Variants in ATXN1 observed in about 807,000 individuals in gnomAD.
ATXN1 encodes the protein ataxin 1.
In ATXN1, 8 loss-of-function variants were observed where a neutral mutation model predicts 56.4. The ratio of observed to expected loss-of-function variants is 0.14; its 90% CI spans 0.08 to 0.26. The LOEUF (loss-of-function observed/expected upper bound fraction) is 0.26, where lower values mean the gene tolerates loss of function less well. Ranked by LOEUF, ATXN1 falls within the 10% of genes least tolerant of loss-of-function variation. ATXN1 has a pLI of 1.00. For missense variants in ATXN1, 987 were observed against 1,106.5 expected (o/e 0.89, Z 1.53); for synonymous variants, 514 against 494.6 (o/e 1.04, Z -0.52).
chr6:16,597,405 G>C (rs572712366), intron 3 of ATXN1, among the ~76,000 whole-genome samples: 1 of 151,800 alleles, frequency 6.6e-6, no homozygotes, highest in African/African-American at 2.4e-5. Flanking sequence ...ACATGGTTGA[G>C]AATACTGCTG....
In ATXN1 at chr6:16,760,476, G is replaced by A. The variant is rs1322142088; in HGVS notation, c.-730+822C>T. ...GCACCAACAGGGCGGCGGTGGCGGC[G>A]GCGGCCAGGGCCGTCACCGCCACTC... On this transcript the variant is annotated intron_variant, in intron 1 of 7. Transcript: ENST00000436367. The surrounding 1 kb of genome is among the most constrained non-coding windows in gnomAD (Gnocchi z 5.3). 6.6e-6 allele frequency among the ~76,000 whole-genome samples: 1 copy of A among 150,552 alleles called. No homozygotes were observed. Among genetic ancestry groups the A allele is most frequent in the African/African-American group, 2.4e-5 (1 of 41,138 alleles).
intron 6 of ATXN1, among the ~76,000 whole-genome samples, chr6:16,345,184 G>A (rs1409917001): frequency 2.0e-5 from 3 of 152,034 alleles, no homozygotes; most frequent in Non-Finnish European, 4.4e-5. Flanking sequence ...ATAATGTTGT[G>A]GTATCTGCAA....
intron 5 of ATXN1, among the ~76,000 whole-genome samples, chr6:16,513,525 C>T (rs1167764019): frequency 1.3e-5 from 2 of 152,140 alleles, no homozygotes; most frequent in South Asian, 2.1e-4. Flanking sequence ...GCACCTCCCC[C>T]GGAAAAGATA....
At chr6:16,365,379 T>C (rs1761896913) in intron 6 of ATXN1, among the ~76,000 whole-genome samples, 1 of 152,180 alleles carries the variant, frequency 6.6e-6, no homozygotes, top group Non-Finnish European at 1.5e-5. Context: ...GGTTTCACCA[T>C]GTTGGCCAGG....
intron 4 of ATXN1, among the ~76,000 whole-genome samples, chr6:16,551,379 G>T (rs1761917479): frequency 6.6e-6 from 1 of 151,866 alleles, no homozygotes; most frequent in South Asian, 2.1e-4. Flanking sequence ...ATTCATGAAA[G>T]AAAGATTCCA....
intron 4 of ATXN1, among the ~76,000 whole-genome samples, chr6:16,584,730 A>G (rs1376510802): frequency 6.6e-6 from 1 of 151,926 alleles, no homozygotes; most frequent in African/African-American, 2.4e-5. Flanking sequence ...TCAGCATTGG[A>G]AAACTGTATT....
At chr6:16,558,617 C>T (rs550706472) in intron 4 of ATXN1, among the ~76,000 whole-genome samples, 39 of 152,250 alleles carry the variant, frequency 2.6e-4, no homozygotes, top group African/African-American at 9.1e-4. Context: ...GTGATGCTCT[C>T]GCCTTGGCCT....
At chr6:16,588,848 C>T (rs1377089405) in intron 3 of ATXN1, among the ~76,000 whole-genome samples, 2 of 152,172 alleles carry the variant, frequency 1.3e-5, no homozygotes, top group Non-Finnish European at 2.9e-5. Context: ...CTTAATCATA[C>T]TGATTTAATT....
intron 5 of ATXN1, among the ~76,000 whole-genome samples, chr6:16,519,149 T>C (rs979733139): frequency 4.6e-4 from 70 of 152,248 alleles, no homozygotes; most frequent in African/African-American, 1.6e-3. Context: ...TTAGAGAAAT[T>C]TTTTTAAGAG....
At chr6:16,532,464 T>G (rs1226268379) in intron 4 of ATXN1, among the ~76,000 whole-genome samples, 3 of 152,158 alleles carry the variant, frequency 2.0e-5, no homozygotes, top group Non-Finnish European at 2.9e-5. Context: ...AAATGCTAAA[T>G]AGCCTCTTGA....
chr6:16,643,401 G>A (rs553668059), intron 3 of ATXN1, among the ~76,000 whole-genome samples: 38 of 152,148 alleles, frequency 2.5e-4, no homozygotes, highest in African/African-American at 7.2e-4. Flanking sequence ...GGCCAAGACG[G>A]GTAGACTGCT....
intron 2 of ATXN1, among the ~76,000 whole-genome samples, chr6:16,750,968 C>CTT (rs35690453): frequency 3.3e-4 from 45 of 135,842 alleles, no homozygotes; most frequent in Non-Finnish European, 4.9e-4. Context: ...TCTTTCCTCT[C>CTT]TTTTTTTTTT....
At chr6:16,309,352 A>T (rs1018636812) in intron 7 of ATXN1, among the ~76,000 whole-genome samples, 3 of 152,102 alleles carry the variant, frequency 2.0e-5, no homozygotes, top group African/African-American at 7.2e-5. Flanking sequence ...CCAGTTGAAT[A>T]GACATGGATT....
chr6:16,644,889 T>C lies in ATXN1; in HGVS notation c.-489+12887A>G, dbSNP rs367693104. Among the ~76,000 whole-genome samples the C allele has an allele frequency of 3.0e-4, 45 of 152,334 alleles. No individual in the cohort carries two copies. The South Asian group carries it at 8.9e-3, about 30-fold the overall frequency. ...ATTTACGCTTCCTGATTTAAATGCA[T>C]CAAGCAGACTTGATATTTTTGAGAC... is the stretch of plus-strand genomic sequence containing the variant. On this transcript the variant is annotated intron_variant, in intron 3 of 7. Transcript: ENST00000436367.
chr6:16,731,546 G>A (rs987656472), intron 2 of ATXN1, among the ~76,000 whole-genome samples: 3 of 144,452 alleles, frequency 2.1e-5, no homozygotes, highest in African/African-American at 7.6e-5. Context: ...GAGCGACCAA[G>A]GGCTGCAAGG....
chr6:16,694,398 T>C (rs1054605657), intron 2 of ATXN1, among the ~76,000 whole-genome samples: 3 of 152,004 alleles, frequency 2.0e-5, no homozygotes, highest in African/African-American at 7.2e-5. Flanking sequence ...GGATTACAGG[T>C]GTGTGCCACC....
rs1057472983 is a variant in ATXN1, at chr6:16,408,828, T to A, written c.-161+77144A>T. On this transcript the variant is annotated intron_variant, in intron 6 of 7. Coordinates refer to ENST00000436367, the MANE Select transcript of ATXN1 (RefSeq NM_001128164.2). ...TGTTCTTAGCTCACTGCAGCCTCAA[T>A]CTCCTGGGTTCAAGCGATCCTCCTG... 2.0e-5 allele frequency among the ~76,000 whole-genome samples: 3 copies of A among 152,148 alleles called. 1 individual carries two copies. The highest frequency in any genetic ancestry group is 6.3e-3 in the Middle Eastern group (2 of 316).
intron 6 of ATXN1, among the ~76,000 whole-genome samples, chr6:16,363,256 C>T (rs559388947): frequency 1.3e-5 from 2 of 152,308 alleles, no homozygotes; most frequent in East Asian, 3.9e-4. Flanking sequence ...TTTTCTTCTC[C>T]ATCCTAAGGC....
intron 5 of ATXN1, among the ~76,000 whole-genome samples, chr6:16,501,124 C>T (rs141771066): frequency 8.5e-5 from 13 of 152,324 alleles, no homozygotes; most frequent in Admixed American, 5.2e-4. Flanking sequence ...CACATATGCA[C>T]GCATGCACAC....
Sources: allele counts gnomAD v4.1 joint callset (sites outside exome capture counted in the v4.1 genomes callset), GRCh38; gene constraint gnomAD v4.1.1; non-coding constraint Gnocchi (gnomAD v3.1); transcripts MANE v1.5; gene names NCBI Gene and HGNC (gene_info 2026-07-23, HGNC 2026-07-21).